The following MCUB variants were observed in gnomAD, a reference collection of about 807,000 sequenced individuals.
The protein encoded by MCUB is mitochondrial calcium uniporter dominant negative subunit beta.
In MCUB, 46 loss-of-function variants were observed where a neutral mutation model predicts 41.4. That is an observed-to-expected ratio of 1.11 (90% CI 0.88 to 1.42). The LOEUF is 1.42. MCUB is among the 40% of genes most tolerant of loss of function. The pLI, the probability that MCUB is intolerant of heterozygous loss-of-function variation, is 0.00. For missense variants in MCUB, 403 were observed against 404.9 expected (o/e 1.00, Z 0.04); for synonymous variants, 148 against 148.2 (o/e 1.00, Z 0.01).
intron 1 of MCUB, among the ~76,000 whole-genome samples, chr4:109,608,177 C>G (rs1727922963): frequency 6.6e-6 from 1 of 152,140 alleles, no homozygotes; most frequent in Non-Finnish European, 1.5e-5. Context: ...GTAAGAGATT[C>G]TGATGCATTC....
At chr4:109,639,602 G>A (rs1393041265) in intron 1 of MCUB, among the ~76,000 whole-genome samples, 12 of 152,076 alleles carry the variant, frequency 7.9e-5, no homozygotes, top group Non-Finnish European at 2.9e-5. Context: ...CAGGAGAATC[G>A]CTTGAACCTG....
At chr4:109,676,020 C>T (rs1039523819) in intron 4 of MCUB, among the ~76,000 whole-genome samples, 3 of 152,088 alleles carry the variant, frequency 2.0e-5, no homozygotes, top group Non-Finnish European at 4.4e-5. Context: ...AAATTGGTAC[C>T]AGAAGTGGGG....
intron 1 of MCUB, among the ~76,000 whole-genome samples, chr4:109,569,497 CTTT>C (rs35808519): frequency 2.2e-4 from 19 of 87,202 alleles, no homozygotes; most frequent in African/African-American, 6.8e-4. Context: ...TTGGCTATCC[CTTT>C]TTTTTTTTTT....
chr4:109,687,461 G>A (rs1030551012), intron 7 of MCUB, 54 bp from the exon 8 acceptor site: 3 of 1,215,560 alleles, frequency 2.5e-6, no homozygotes, highest in Non-Finnish European at 3.6e-6. Context: ...AAGCAGTAAT[G>A]TTGGTATGTT....
intron 1 of MCUB, among the ~76,000 whole-genome samples, chr4:109,643,137 T>TAGAGAAA (rs1728758827): frequency 2.0e-5 from 3 of 152,166 alleles, no homozygotes; most frequent in Non-Finnish European, 2.9e-5. Context: ...ACCATTTTTT[T>TAGAGAAA]AAACATCCAA....
At chr4:109,680,181 GA>G (rs896402893) in intron 4 of MCUB, among the ~76,000 whole-genome samples, 1 of 152,140 alleles carries the variant, frequency 6.6e-6, no homozygotes, top group African/African-American at 2.4e-5. Context: ...AACGTTCAAG[GA>G]CATAACTCTG....
Position 109,659,071 on chromosome 4 carries a change from G to A in MCUB, c.160G>A (p.Val54Met), listed in dbSNP as rs905974756. Residue 54 changes from valine to methionine, a missense_variant, in exon 2 of 8, where the codon GTG becomes ATG. By Grantham distance (21) the Val-to-Met change is conservative. Transcript: ENST00000394650. ...CTACCAGTCACACCATTATAGTACC[G>A]TGGTGCCACCTGATGGTAAGCTTTC... ...KYYQSHHYST[V>M]VPPDEITVIY... 2.9e-5 allele frequency: 44 copies of A among 1,514,310 alleles called. No individual in the cohort carries two copies. The highest frequency in any genetic ancestry group is 5.9e-5 in the Admixed American group (3 of 50,930). 93.8% of individuals were successfully genotyped at this position (1,514,310 alleles called of 1,614,324 possible).
At chr4:109,626,169 ATTTC>A (rs1728355752) in intron 1 of MCUB, among the ~76,000 whole-genome samples, 2 of 152,100 alleles carry the variant, frequency 1.3e-5, no homozygotes, top group African/African-American at 4.8e-5. Context: ...CTCCTACATA[ATTTC>A]CTTCTGGACT....
chr4:109,616,852 T>C (rs1728137553), intron 1 of MCUB, among the ~76,000 whole-genome samples: 1 of 152,182 alleles, frequency 6.6e-6, no homozygotes, highest in Non-Finnish European at 1.5e-5. Flanking sequence ...AGCAAGAACA[T>C]GTATTAAAAT....
chr4:109,605,992 TGA>T (rs1295580243), intron 1 of MCUB, among the ~76,000 whole-genome samples: 2 of 151,188 alleles, frequency 1.3e-5, no homozygotes, highest in East Asian at 3.9e-4. Flanking sequence ...GTTTGTTTTT[TGA>T]GACAGACTCT....
intron 2 of MCUB, among the ~76,000 whole-genome samples, 158 bp from the exon 3 acceptor site, chr4:109,660,037 C>CT (rs1729193817): frequency 6.6e-6 from 1 of 152,114 alleles, no homozygotes; most frequent in South Asian, 2.1e-4. Context: ...AATATGTAAA[C>CT]TGTAGTATAA....
chr4:109,622,013 C>G (rs1429375352), intron 1 of MCUB, among the ~76,000 whole-genome samples: 1 of 152,152 alleles, frequency 6.6e-6, no homozygotes, highest in Non-Finnish European at 1.5e-5. Flanking sequence ...TCCCAAGTAG[C>G]TGGGATTACA....
In MCUB at chr4:109,560,318, C is replaced by T. The variant is rs1726588900; in HGVS notation, c.-20C>T. ...ATGCGCCGCTGACGCCTGCGGGAGC[C>T]GCGCGCCTGGGGCGGGAGGATGCTC... is the stretch of plus-strand genomic sequence containing the variant. On this transcript the variant is annotated 5_prime_UTR_variant, in exon 1 of 8. Coordinates refer to ENST00000394650, the MANE Select transcript of MCUB (RefSeq NM_017918.5). 2 of 1,214,598 alleles carry T rather than the reference C, an allele frequency of 1.6e-6. No individual in the cohort carries two copies. Among genetic ancestry groups the T allele is most frequent in the South Asian group, 6.7e-5 (2 of 29,688 alleles). 75.2% of individuals were successfully genotyped at this position (1,214,598 alleles called of 1,614,324 possible). A position where few individuals can be genotyped will look rare whatever the true frequency, so the allele number is the denominator to read the frequency against.
At chr4:109,567,863 T>A (rs968623150) in intron 1 of MCUB, among the ~76,000 whole-genome samples, 2 of 152,050 alleles carry the variant, frequency 1.3e-5, no homozygotes, top group African/African-American at 4.8e-5. Flanking sequence ...CATGCCTGGC[T>A]AATTTTTGTA....
rs145260361 is a variant in MCUB, at chr4:109,647,931, C to G, written c.100-11080C>G. ...ATAGTAGCTGTTAAAACCAGCTTCA[C>G]ACTGTTGAAAACCATGTAAAACAAG... On this transcript the variant is annotated intron_variant, in intron 1 of 7. Transcript: ENST00000394650. Among the ~76,000 whole-genome samples the G allele has an allele frequency of 1.7e-3, 264 of 152,282 alleles. 1 individual carries two copies. The highest frequency in any genetic ancestry group is 6.2e-3 in the African/African-American group (256 of 41,558).
At chr4:109,672,713 G>A (rs1218620595) in intron 4 of MCUB, among the ~76,000 whole-genome samples, 1 of 152,068 alleles carries the variant, frequency 6.6e-6, no homozygotes, top group Non-Finnish European at 1.5e-5. Flanking sequence ...CAACAGGGAG[G>A]GAATTTAGAT....
At chr4:109,684,699 C>G in intron 6 of MCUB, 53 bp downstream of exon 6, 2 of 842,044 alleles carry the variant, frequency 2.4e-6, no homozygotes, top group Non-Finnish European at 1.9e-6. Context: ...CAAAGAATGT[C>G]TTATCTAAGC....
intron 1 of MCUB, among the ~76,000 whole-genome samples, chr4:109,628,139 T>A (rs1218624046): frequency 6.6e-6 from 1 of 151,780 alleles, no homozygotes; most frequent in Admixed American, 6.6e-5. Flanking sequence ...TTTGAGCGAG[T>A]TCTGAATGAT....
chr4:109,650,903 G>C (rs1186993431), intron 1 of MCUB, among the ~76,000 whole-genome samples: 1 of 152,058 alleles, frequency 6.6e-6, no homozygotes, highest in Non-Finnish European at 1.5e-5. Flanking sequence ...GGTTTGTCTG[G>C]TATTTCCTTG....
Sources: gnomAD v4.1 joint callset for allele counts (sites outside exome capture counted in the v4.1 genomes callset) on GRCh38, gnomAD v4.1.1 for gene constraint, MANE v1.5 for transcripts, NCBI Gene and HGNC (gene_info 2026-07-23, HGNC 2026-07-21) for gene names.